Variants in KALRN observed in about 807,000 individuals in gnomAD.
KALRN encodes kalirin.
Under a neutral mutation model 353.7 loss-of-function variants are expected in KALRN, and 70 were observed. The observed-to-expected ratio is 0.20, with a 90% CI of 0.16 to 0.24. The LOEUF is 0.24. Ranked by LOEUF, KALRN falls within the 10% of genes least tolerant of loss-of-function variation. The pLI, the probability that KALRN is intolerant of heterozygous loss-of-function variation, is 1.00. For synonymous variants in KALRN, 1,391 were observed against 1,434.8 expected (o/e 0.97, Z 0.69); for missense variants, 2,791 against 3,756.7 (o/e 0.74, Z 6.72).
chr3:124,607,137 A>ATT (rs1315882000), intron 34 of KALRN, among the ~76,000 whole-genome samples: 8 of 152,262 alleles, frequency 5.3e-5, no homozygotes, highest in Non-Finnish European at 1.2e-4. Flanking sequence ...AATAGCGAAC[A>ATT]AGAACATGGA....
chr3:124,273,037 T>C (rs1371708982), intron 5 of KALRN, among the ~76,000 whole-genome samples: 1 of 152,244 alleles, frequency 6.6e-6, no homozygotes, highest in Non-Finnish European at 1.5e-5. Flanking sequence ...AGTCTGGTGA[T>C]AGTTCAGCCT....
intron 1 of KALRN, among the ~76,000 whole-genome samples, chr3:124,085,038 C>G (rs2060736304): frequency 6.6e-6 from 1 of 152,182 alleles, no homozygotes; most frequent in Non-Finnish European, 1.5e-5. Context: ...CTTACTTTAC[C>G]CTGTGCCACC....
At chr3:124,168,182 A>G (rs2071175293) in intron 1 of KALRN, among the ~76,000 whole-genome samples, 1 of 152,212 alleles carries the variant, frequency 6.6e-6, no homozygotes, top group South Asian at 2.1e-4. Context: ...CAAGAATTAC[A>G]GTGAGAATAA....
intron 34 of KALRN, among the ~76,000 whole-genome samples, chr3:124,566,299 G>A (rs1357320523): frequency 2.0e-5 from 3 of 152,056 alleles, no homozygotes; most frequent in African/African-American, 7.2e-5. Context: ...TCAGGCGTTC[G>A]AGACCAGCCT....
chr3:124,314,512 A>G (rs2078617007), intron 6 of KALRN, among the ~76,000 whole-genome samples: 1 of 152,228 alleles, frequency 6.6e-6, no homozygotes, highest in East Asian at 1.9e-4. Context: ...AAAAAAAAGA[A>G]TACCTGAATC....
intron 9 of KALRN, among the ~76,000 whole-genome samples, chr3:124,338,581 G>A (rs2081364648): frequency 6.6e-6 from 1 of 152,176 alleles, no homozygotes; most frequent in South Asian, 2.1e-4. Context: ...TAGAATAAGT[G>A]CGATGTGGTC....
At chr3:124,314,673 G>A (rs537470962) in intron 6 of KALRN, among the ~76,000 whole-genome samples, 5 of 152,090 alleles carry the variant, frequency 3.3e-5, no homozygotes, top group African/African-American at 7.2e-5. Flanking sequence ...CACATGGCAC[G>A]AGAGAAAGGA....
At chr3:124,687,643 T>C (rs2061623820) in intron 51 of KALRN, among the ~76,000 whole-genome samples, 1 of 119,492 alleles carries the variant, frequency 8.4e-6, no homozygotes, top group Non-Finnish European at 2.0e-5. Context: ...TTAATGATTA[T>C]ACATTTTTTG....
chr3:124,103,656 A>G (rs936024588), intron 1 of KALRN, among the ~76,000 whole-genome samples: 8 of 152,110 alleles, frequency 5.3e-5, no homozygotes, highest in African/African-American at 1.9e-4. Flanking sequence ...CTCCTGAAAG[A>G]TCAAGAATCA....
chr3:124,341,153 T>A (rs761014089), intron 9 of KALRN, among the ~76,000 whole-genome samples: 1 of 152,312 alleles, frequency 6.6e-6, no homozygotes, highest in Non-Finnish European at 1.5e-5. Flanking sequence ...TAGTCAAGGA[T>A]GTGAGCATCT....
intron 1 of KALRN, among the ~76,000 whole-genome samples, chr3:124,042,697 A>G (rs1298729856): frequency 6.6e-6 from 1 of 152,156 alleles, no homozygotes; most frequent in Non-Finnish European, 1.5e-5. Context: ...GAGGAGGAGC[A>G]GCTGTGGGGA....
chr3:124,286,119 C>CTTTCTTTCTTTCTTTCT (rs2075853970), intron 5 of KALRN, among the ~76,000 whole-genome samples: 1 of 146,300 alleles, frequency 6.8e-6, no homozygotes, highest in Non-Finnish European at 1.5e-5. Context: ...TTCTTTCTTT[C>CTTTCTTTCTTTCTTTCT]TTTCTTTCTT....
intron 33 of KALRN, among the ~76,000 whole-genome samples, chr3:124,559,643 C>T (rs1561288208): frequency 6.6e-6 from 1 of 152,172 alleles, no homozygotes; most frequent in Non-Finnish European, 1.5e-5. Flanking sequence ...ACTCAGCTCC[C>T]AGCATCTCCC....
chr3:124,092,667 C>G (rs1355940488), intron 1 of KALRN, among the ~76,000 whole-genome samples: 1 of 152,216 alleles, frequency 6.6e-6, no homozygotes, highest in African/African-American at 2.4e-5. Context: ...CAGAGAATCT[C>G]TTAGTGCCCC....
At chr3:124,061,676 C>G (rs1415882589) in intron 1 of KALRN, among the ~76,000 whole-genome samples, 1 of 151,956 alleles carries the variant, frequency 6.6e-6, no homozygotes, top group African/African-American at 2.4e-5. Context: ...ATTTTAAATC[C>G]CCAATTTTCA....
In KALRN at chr3:124,075,228, G is replaced by A. The variant is rs539328776; in HGVS notation, c.73+41415G>A. 3.9e-5 allele frequency among the ~76,000 whole-genome samples: 6 copies of A among 152,288 alleles called. No homozygotes were observed. The South Asian group carries it at 6.2e-4, about 16-fold the overall frequency. On this transcript the variant is annotated intron_variant, in intron 1 of 59. Transcript: ENST00000682506. ...TGTAATCAGAGGTTACACATTTTGG[G>A]CAGCCTCGCCACAATTTCACCCTTG...
chr3:124,108,839 T>C (rs936492867), intron 1 of KALRN, among the ~76,000 whole-genome samples: 3 of 152,182 alleles, frequency 2.0e-5, no homozygotes, highest in East Asian at 1.9e-4. Flanking sequence ...TACTACCTCA[T>C]AAGGCTTTGC....
At chr3:124,300,461 G>T (rs1017835332) in intron 6 of KALRN, among the ~76,000 whole-genome samples, 1 of 152,194 alleles carries the variant, frequency 6.6e-6, no homozygotes, top group African/African-American at 2.4e-5. Context: ...GCTCAGATCT[G>T]CCAGCTCAGA....
Position 124,473,577 on chromosome 3 carries a change from T to C in KALRN, c.4032-1086T>C, listed in dbSNP as rs145178182. ...CTTAGCTTCTCCCAGAGTTCTTCCA[T>C]ATGAAAACATAGAGAGCTGTGTCTT... is the stretch of plus-strand genomic sequence containing the variant. On this transcript the variant is annotated intron_variant, in intron 25 of 59. Transcript: ENST00000682506. Among the ~76,000 whole-genome samples the C allele has an allele frequency of 5.9e-5, 9 of 152,370 alleles. No homozygotes were observed. The East Asian group carries it at 1.7e-3, about 29-fold the overall frequency.
Sources: gnomAD v4.1 joint callset for allele counts (sites outside exome capture counted in the v4.1 genomes callset) on GRCh38, gnomAD v4.1.1 for gene constraint, MANE v1.5 for transcripts, NCBI Gene and HGNC (gene_info 2026-07-23, HGNC 2026-07-21) for gene names.